NFKB2: variants seen among roughly 807,000 people sequenced by gnomAD.
NFKB2 encodes the protein nuclear factor kappa B subunit 2.
In NFKB2, 21 loss-of-function variants were observed where a neutral mutation model predicts 109.3. The ratio of observed to expected loss-of-function variants is 0.19; its 90% CI spans 0.14 to 0.28. The LOEUF (loss-of-function observed/expected upper bound fraction) is 0.28, where lower values mean the gene tolerates loss of function less well. NFKB2 is among the 10% of genes least tolerant of loss of function. The pLI is 1.00. For missense variants in NFKB2, 806 were observed against 1,185.3 expected (o/e 0.68, Z 4.70); for synonymous variants, 478 against 489.9 (o/e 0.98, Z 0.32).
chr10:102,399,673 C>G lies in NFKB2; in HGVS notation c.1424C>G (p.Ala475Gly). ...GVTADARALL[A>G]GQRHLLTAQD... ...ACCGCGGACGCGCGCGCGCTGCTGG[C>G]GGGACAGCGCCACCTGCTGACGGCG... The change falls in exon 14 of 23, where the codon GCG becomes GGG. Residue 475 changes from alanine to glycine, a missense_variant. By Grantham distance (60) the Ala-to-Gly change is moderately conservative. Transcript: ENST00000661543. 1 of 1,523,690 alleles carries G rather than the reference C, an allele frequency of 6.6e-7. No individual in the cohort carries two copies. The highest frequency in any genetic ancestry group is 2.5e-5 in the East Asian group (1 of 40,142). The allele number at this position is 1,523,690 out of a possible 1,614,324, so 94.4% of individuals were successfully genotyped here.
In NFKB2 at chr10:102,398,852, G is replaced by A; in HGVS notation, c.1105G>A (p.Gly369Arg). 1 of 1,595,372 alleles carries A rather than the reference G, an allele frequency of 6.3e-7. No homozygotes were observed. Among genetic ancestry groups the A allele is most frequent in the Non-Finnish European group, 8.5e-7 (1 of 1,171,546 alleles). Reference sequence around the variant, plus strand: ...TGGGGGTGCAGCCGGGGGCTACGGAGGAGCTGGAGGAGGTGAGGGGGTACT... The same window carrying A: ...TGGGGGTGCAGCCGGGGGCTACGGAAGAGCTGGAGGAGGTGAGGGGGTACT... Reference protein sequence around the residue: ...GSGGAAGGYGGAGGGGSLGFF... With the variant: ...GSGGAAGGYGRAGGGGSLGFF... Residue 369 changes from glycine (G) to arginine (R), a missense_variant, in exon 12 of 23, where the codon GGA becomes AGA. Gly to Arg is a moderately radical substitution (Grantham distance 125). Around this residue, in one of 10 missense-constraint regions of NFKB2, gnomAD observed 209 missense variants for 211.9 expected, o/e 0.99. Transcript: ENST00000661543. This position sits in a 1 kb window ranked among gnomAD's most constrained non-coding sequence, Gnocchi z 6.6.
In NFKB2 at chr10:102,398,941, T is replaced by TGAGCCACCACGCCC; in HGVS notation, c.1117+78_1117+79insAGCCACCACGCCCG. 1 of 1,485,324 alleles carries TGAGCCACCACGCCC rather than the reference T, an allele frequency of 6.7e-7. No homozygotes were observed. Among genetic ancestry groups the TGAGCCACCACGCCC allele is most frequent in the Non-Finnish European group, 9.1e-7 (1 of 1,096,310 alleles). The allele number at this position is 1,485,324 out of a possible 1,614,324, so 92.0% of individuals were successfully genotyped here. ...AAAAAAATCTGGGGGAGGCCGGGCGTGGTGGCTCACGCCTGTAATCCAGCC... is the reference window on the plus strand; with the variant it reads ...AAAAAAATCTGGGGGAGGCCGGGCGTGAGCCACCACGCCCGGTGGCTCACGCCTGTAATCCAGCC... On this transcript the variant is annotated intron_variant, in intron 12 of 22. Coordinates refer to ENST00000661543, the MANE Select transcript of NFKB2 (RefSeq NM_001322934.2). This position sits in a 1 kb window ranked among gnomAD's most constrained non-coding sequence, Gnocchi z 6.6.
chr10:102,394,247 G>A (rs1464325657), upstream of NFKB2: 2 of 152,242 alleles, frequency 1.3e-5, no homozygotes, highest in African/African-American at 2.4e-5. Context: ...GAGAGGCAGC[G>A]GAAGCTCCCG....
Position 102,398,159 on chromosome 10 carries a change from T to C in NFKB2, c.767-53T>C. On this transcript the variant is annotated intron_variant, in intron 9 of 22. Transcript: ENST00000661543. The surrounding 1 kb of genome is among the most constrained non-coding windows in gnomAD (Gnocchi z 6.6). ...GGGGCCAGGGAAGCTCTAGGGTAAA[T>C]GGCCCCAGAGATTCCACCGGGAGCT... 2 of 1,613,188 alleles carry C rather than the reference T, an allele frequency of 1.2e-6. No individual in the cohort carries two copies. The highest frequency in any genetic ancestry group is 8.5e-7 in the Non-Finnish European group (1 of 1,179,170).
At position 102,397,284 on chromosome 10, in the gene NFKB2, C is replaced by T; in HGVS notation, c.396-18C>T. On this transcript the variant is annotated intron_variant, in intron 6 of 22. Transcript: ENST00000661543. The surrounding 1 kb of genome is among the most constrained non-coding windows in gnomAD (Gnocchi z 4.7). ...GAAAGAACTGCATGGCCAAAGGCCT[C>T]CGATTCTCTCTTCTCAGATTTAACA... 1 of 1,611,120 alleles carries T rather than the reference C, an allele frequency of 6.2e-7. No homozygotes were observed. Among genetic ancestry groups the T allele is most frequent in the East Asian group, 2.2e-5 (1 of 44,868 alleles).
rs1165226340 is a variant in NFKB2, at chr10:102,396,779, G to A, written c.199G>A (p.Gly67Ser). Residue 67 changes from glycine (G) to serine (S), a missense_variant, in exon 5 of 23, where the codon GGT becomes AGT. Around this residue, in one of 10 missense-constraint regions of NFKB2, gnomAD observed 24 missense variants for 105.2 expected, o/e 0.23. Coordinates refer to ENST00000661543, the MANE Select transcript of NFKB2 (RefSeq NM_001322934.2). The surrounding 1 kb of genome is among the most constrained non-coding windows in gnomAD (Gnocchi z 5.9). Reference sequence around the variant, plus strand: ...AGGCCCCTCCCATGGAGGACTGCCCGGTGCCTCCAGTGAGAAGGGCCGAAA... The same window carrying A: ...AGGCCCCTCCCATGGAGGACTGCCCAGTGCCTCCAGTGAGAAGGGCCGAAA... The part of the protein sequence containing the change: ...CEGPSHGGLP[G>S]ASSEKGRKTY... 6.2e-7 allele frequency: 1 copy of A among 1,613,330 alleles called. No homozygotes were observed. Among genetic ancestry groups the A allele is most frequent in the Admixed American group, 1.7e-5 (1 of 60,012 alleles).
At chr10:102,394,906 A>C (rs2061073045), upstream of NFKB2, 3 of 152,464 alleles carry the variant, frequency 2.0e-5, no homozygotes, top group East Asian at 1.9e-4. Context: ...GCACAAACTC[A>C]AGATACGCTC....
Position 102,398,124 on chromosome 10 carries a change from G to T in NFKB2, c.766+39G>T. On this transcript the variant is annotated intron_variant, in intron 9 of 22. Coordinates refer to ENST00000661543, the MANE Select transcript of NFKB2 (RefSeq NM_001322934.2). This position sits in a 1 kb window ranked among gnomAD's most constrained non-coding sequence, Gnocchi z 6.6. ...CCACTTTGGGCACCAAGGACATCGA[G>T]TATAAGACTGGGGCCAGGGAAGCTC... 2 of 1,613,032 alleles carry T rather than the reference G, an allele frequency of 1.2e-6. No individual in the cohort carries two copies. The highest frequency in any genetic ancestry group is 1.7e-6 in the Non-Finnish European group (2 of 1,178,998).
At position 102,396,686 on chromosome 10, in the gene NFKB2, T is replaced by G. The variant is rs777116827; in HGVS notation, c.145-39T>G. The stretch of plus-strand genomic sequence containing the variant: ...GCGGTCACTGCTGGCCTGGGTGGTC[T>G]TCCCTGATCACAATGCTACTATGCC... On this transcript the variant is annotated intron_variant, in intron 4 of 22. Coordinates refer to ENST00000661543, the MANE Select transcript of NFKB2 (RefSeq NM_001322934.2). This position sits in a 1 kb window ranked among gnomAD's most constrained non-coding sequence, Gnocchi z 5.9. 27 of 1,594,420 alleles carry G rather than the reference T, an allele frequency of 1.7e-5. No individual in the cohort carries two copies. Among genetic ancestry groups the G allele is most frequent in the Non-Finnish European group, 2.3e-5 (27 of 1,163,104 alleles).
Position 102,400,162 on chromosome 10 carries a change from G to A in NFKB2, c.1552G>A (p.Gly518Ser). The change falls in exon 15 of 23, where the codon GGC becomes AGC. Residue 518 changes from glycine (G) to serine (S), a missense_variant. Physicochemically the swap from Gly to Ser is moderately conservative, Grantham distance 56. This residue lies in a region of NFKB2 where 163 missense variants were observed against 207.1 expected (regional missense o/e 0.79). Coordinates refer to ENST00000661543, the MANE Select transcript of NFKB2 (RefSeq NM_001322934.2). The surrounding 1 kb of genome is among the most constrained non-coding windows in gnomAD (Gnocchi z 6.3). ...VYVIHHAQDL[G>S]VVNLTNHLHQ... ...TGTCATCCACCACGCCCAGGACCTC[G>A]GCGTTGTCAACCTCACCAACCACCT... 1.2e-5 allele frequency: 20 copies of A among 1,614,144 alleles called. No homozygotes were observed. The highest frequency in any genetic ancestry group is 1.6e-5 in the Non-Finnish European group (19 of 1,180,010).
At position 102,396,978 on chromosome 10, in the gene NFKB2, C is replaced by G. The variant is rs1357679057; in HGVS notation, c.318C>G (p.Ala106=). The change falls in exon 6 of 23, where the codon GCC becomes GCG. Residue 106 remains alanine, a synonymous_variant. Transcript: ENST00000661543. This position sits in a 1 kb window ranked among gnomAD's most constrained non-coding sequence, Gnocchi z 5.9. The part of the protein sequence containing the change: ...VTHSDPPRAH[A]HSLVGKQCSE... Reference sequence around the variant, plus strand: ...ACAGTGACCCACCTCGTGCTCATGCCCACAGTCTGGTGGGCAAGCAATGCT... The same window carrying G: ...ACAGTGACCCACCTCGTGCTCATGCGCACAGTCTGGTGGGCAAGCAATGCT... 6.2e-7 allele frequency: 1 copy of G among 1,613,730 alleles called. No homozygotes were observed. Among genetic ancestry groups the G allele is most frequent in the East Asian group, 2.2e-5 (1 of 44,868 alleles).
chr10:102,402,257 G>C lies in NFKB2; in HGVS notation c.2584G>C (p.Val862Leu), dbSNP rs1208172663. The stretch of plus-strand genomic sequence containing the variant: ...CTGTCCCCATTTACCCCCAGCAGAG[G>C]TGAAGGAAGACAGTGCGTACGGGAG... ...TRDKLPSTAE[V>L]KEDSAYGSQS... Residue 862 changes from valine to leucine, a missense_variant, in exon 23 of 23, where the codon GTG becomes CTG. This residue lies in a region of NFKB2 where 211 missense variants were observed against 268.7 expected (regional missense o/e 0.79). Transcript: ENST00000661543. 1.3e-6 allele frequency: 2 copies of C among 1,553,632 alleles called. No individual in the cohort carries two copies.
At position 102,398,400 on chromosome 10, in the gene NFKB2, C is replaced by T. The variant is rs2061154706; in HGVS notation, c.868C>T (p.Arg290Trp). 2 of 1,613,888 alleles carry T rather than the reference C, an allele frequency of 1.2e-6. No homozygotes were observed. Among genetic ancestry groups the T allele is most frequent in the Non-Finnish European group, 1.7e-6 (2 of 1,179,972 alleles). Residue 290 changes from arginine to tryptophan, a missense_variant, in exon 11 of 23, where the codon CGG (arginine) becomes TGG (tryptophan). This residue lies in a region of NFKB2 where 64 missense variants were observed against 177.4 expected (regional missense o/e 0.36). Coordinates refer to ENST00000661543, the MANE Select transcript of NFKB2 (RefSeq NM_001322934.2). The surrounding 1 kb of genome is among the most constrained non-coding windows in gnomAD (Gnocchi z 6.6). ...CACCCCCCAGTATGCCATTGTGTTCCGGACACCCCCCTATCACAAGATGAA... is the reference window on the plus strand; with the variant it reads ...CACCCCCCAGTATGCCATTGTGTTCTGGACACCCCCCTATCACAAGATGAA... ...DVHKQYAIVF[R>W]TPPYHKMKIE... is the part of the protein sequence containing the mutation.
chr10:102,402,389 C>A lies in NFKB2; in HGVS notation c.*13C>A. On this transcript the variant is annotated 3_prime_UTR_variant, in exon 23 of 23. Transcript: ENST00000661543. ...TCAGGTGCACTGACCTGCTGCCTGC[C>A]CCCAGCCCCCTTCCCGGACCCCCTG... 3 of 1,495,140 alleles carry A rather than the reference C, an allele frequency of 2.0e-6. No individual in the cohort carries two copies. The highest frequency in any genetic ancestry group is 2.7e-6 in the Non-Finnish European group (3 of 1,111,318). The allele number at this position is 1,495,140 out of a possible 1,614,324, so 92.6% of individuals were successfully genotyped here.
chr10:102,399,046 C>G (rs2135433876), intron 12 of NFKB2, 182 bp downstream of exon 12: 1 of 756,412 alleles, frequency 1.3e-6, no homozygotes, highest in East Asian at 2.7e-5. Flanking sequence ...AACCTCGTCT[C>G]TACTAAAAAT....
rs768859143 is a variant in NFKB2 at position 102,399,363 on chromosome 10, A to G, written c.1193A>G (p.Tyr398Cys). The G allele has an allele frequency of 6.4e-7, 1 of 1,557,108 alleles. No homozygotes were observed. Among genetic ancestry groups the G allele is most frequent in the Non-Finnish European group, 8.7e-7 (1 of 1,152,804 alleles). Reference protein sequence around the residue: ...YQSGAGPMGCYPGGGGGAQMA... With the variant: ...YQSGAGPMGCCPGGGGGAQMA... ...TCCGGCGCGGGCCCCATGGGCTGCT[A>G]CCCGGGAGGCGGGGGCGGGGCGCAG... The change falls in exon 13 of 23, where the codon TAC becomes TGC. Residue 398 changes from tyrosine (Y) to cysteine (C), a missense_variant. Physicochemically the swap from Tyr to Cys is radical, Grantham distance 194. Coordinates refer to ENST00000661543, the MANE Select transcript of NFKB2 (RefSeq NM_001322934.2).
In NFKB2 at chr10:102,398,453, G is replaced by T; in HGVS notation, c.921G>T (p.Leu307=). The change falls in exon 11 of 23, where the codon CTG becomes CTT. Residue 307 remains leucine (L), a synonymous_variant. Transcript: ENST00000661543. The surrounding 1 kb of genome is among the most constrained non-coding windows in gnomAD (Gnocchi z 6.6). ...MKIERPVTVF[L]QLKRKRGGDV... ...TTGAGCGGCCTGTAACAGTGTTTCT[G>T]CAACTGAAACGCAAGCGAGGAGGGG... 6.2e-7 allele frequency: 1 copy of T among 1,614,186 alleles called. No individual in the cohort carries two copies. Among genetic ancestry groups the T allele is most frequent in the Non-Finnish European group, 8.5e-7 (1 of 1,180,040 alleles).
Position 102,400,227 on chromosome 10 carries a change from G to A in NFKB2, c.1584+33G>A. 1 of 1,613,990 alleles carries A rather than the reference G, an allele frequency of 6.2e-7. No homozygotes were observed. Among genetic ancestry groups the A allele is most frequent in the Non-Finnish European group, 8.5e-7 (1 of 1,179,958 alleles). Reference sequence around the variant, plus strand: ...GGCGCCTACTGGGGAGGTGGGAGGGGTTGGAAGGCAAGTGGGTCTCGGGCC... The same window carrying A: ...GGCGCCTACTGGGGAGGTGGGAGGGATTGGAAGGCAAGTGGGTCTCGGGCC... On this transcript the variant is annotated intron_variant, in intron 15 of 22. Transcript: ENST00000661543. The surrounding 1 kb of genome is among the most constrained non-coding windows in gnomAD (Gnocchi z 6.3).
At position 102,396,340 on chromosome 10, in the gene NFKB2, C is replaced by T. The variant is rs572222813; in HGVS notation, c.103+6C>T. On this transcript the variant is annotated splice_donor_region_variant and intron_variant, in intron 3 of 22. Coordinates refer to ENST00000661543, the MANE Select transcript of NFKB2 (RefSeq NM_001322934.2). The surrounding 1 kb of genome is among the most constrained non-coding windows in gnomAD (Gnocchi z 5.9). ...GGAGCCAGCCCCAGAAACAGGTCAG[C>T]AAGTTCACTAACCTCCCCTAGTCCT... 1.1e-5 allele frequency: 17 copies of T among 1,613,534 alleles called. No homozygotes were observed. In the South Asian group the frequency reaches 1.9e-4, roughly 18 times the overall value.
Sources: gnomAD v4.1 joint callset for allele counts on GRCh38, gnomAD v4.1.1 for gene constraint, gnomAD v4.1.1 regional missense constraint, Gnocchi (gnomAD v3.1) non-coding constraint, MANE v1.5 for transcripts, NCBI Gene and HGNC (gene_info 2026-07-23, HGNC 2026-07-21) for gene names.